Variants in FOXP2 observed in about 807,000 individuals in gnomAD.
FOXP2 encodes the protein forkhead box P2.
A neutral mutation model predicts 115.8 loss-of-function variants in FOXP2; 12 were observed. That is an observed-to-expected ratio of 0.10 (90% CI 0.07 to 0.17). The LOEUF (loss-of-function observed/expected upper bound fraction) is 0.17. Ranked by LOEUF, FOXP2 falls within the 10% of genes least tolerant of loss-of-function variation. The pLI, the probability that FOXP2 is intolerant of heterozygous loss-of-function variation, is 1.00. For missense variants in FOXP2, 629 were observed against 843.5 expected (o/e 0.75, Z 3.15); for synonymous variants, 328 against 297.7 (o/e 1.10, Z -1.05).
chr7:114,288,376 A>G (rs1256398180), intron 2 of FOXP2, among the ~76,000 whole-genome samples: 1 of 151,792 alleles, frequency 6.6e-6, no homozygotes, highest in Non-Finnish European at 1.5e-5. Flanking sequence ...GGGGAATATG[A>G]ATTTGGTTTG....
intron 2 of FOXP2, among the ~76,000 whole-genome samples, chr7:114,518,884 A>G (rs1013891205): frequency 6.6e-6 from 1 of 152,156 alleles, no homozygotes; most frequent in African/African-American, 2.4e-5. Flanking sequence ...AAGTAAGTAG[A>G]CATAGAAATG....
intron 2 of FOXP2, among the ~76,000 whole-genome samples, chr7:114,384,942 T>G (rs1584684043): frequency 6.6e-6 from 1 of 152,096 alleles, no homozygotes; most frequent in Non-Finnish European, 1.5e-5. Context: ...TTATAGGTTT[T>G]AAATTTACCC....
chr7:114,466,647 A>C (rs1015447764), intron 2 of FOXP2, among the ~76,000 whole-genome samples: 2 of 152,208 alleles, frequency 1.3e-5, no homozygotes, highest in African/African-American at 4.8e-5. Flanking sequence ...GTCAGGTATC[A>C]CTGAAAAATC....
chr7:114,585,148 A>G (rs1466559977), intron 3 of FOXP2, among the ~76,000 whole-genome samples: 3 of 152,186 alleles, frequency 2.0e-5, no homozygotes, highest in African/African-American at 7.2e-5. Flanking sequence ...AAGTTTCTGA[A>G]GTATGTAAAG....
intron 1 of FOXP2, among the ~76,000 whole-genome samples, chr7:114,207,604 A>T (rs1265488789): frequency 6.6e-6 from 1 of 152,180 alleles, no homozygotes; most frequent in South Asian, 2.1e-4. Context: ...TTCCTATTGG[A>T]CCTACTTAAT....
intron 2 of FOXP2, among the ~76,000 whole-genome samples, chr7:114,470,281 A>G (rs1275968122): frequency 6.6e-6 from 1 of 151,974 alleles, no homozygotes; most frequent in African/African-American, 2.4e-5. Flanking sequence ...TTCTACTTGG[A>G]ATGTTTTCCC....
chr7:114,283,769 C>T (rs1173236779), intron 1 of FOXP2, among the ~76,000 whole-genome samples: 1 of 152,032 alleles, frequency 6.6e-6, no homozygotes, highest in Non-Finnish European at 1.5e-5. Context: ...TCGAAACCAG[C>T]TTGGGCAACA....
chr7:114,557,367 A>G (rs1800515318), intron 3 of FOXP2, among the ~76,000 whole-genome samples: 2 of 152,188 alleles, frequency 1.3e-5, no homozygotes. Flanking sequence ...CTTAATCCTA[A>G]CCAGGCATTT....
chr7:114,176,298 T>TTCTTTCTTTCTTTCTCTC (rs368923204), intron 1 of FOXP2, among the ~76,000 whole-genome samples: 109 of 76,570 alleles, frequency 1.4e-3, no homozygotes, highest in African/African-American at 5.6e-3. Flanking sequence ...CTTTCTTTCT[T>TTCTTTCTTTCTTTCTCTC]TCTCTCTCTC....
intron 2 of FOXP2, among the ~76,000 whole-genome samples, chr7:114,375,458 T>C (rs1016604030): frequency 1.3e-5 from 2 of 152,182 alleles, no homozygotes; most frequent in African/African-American, 4.8e-5. Context: ...CAGTGGCTTA[T>C]CACAATATAG....
At position 114,627,630 on chromosome 7, in the gene FOXP2, A is replaced by C. The variant is rs935456722; in HGVS notation, c.259-910A>C. Among the ~76,000 whole-genome samples the C allele has an allele frequency of 5.3e-5, 8 of 151,734 alleles. No homozygotes were observed. The East Asian group carries it at 5.8e-4, about 11-fold the overall frequency. The stretch of plus-strand genomic sequence containing the variant: ...CTTGTCCTTTTTCTACGTTTTCCTT[A>C]CTTCCTTCCTTCTTTCTCCTTTATA... On this transcript the variant is annotated intron_variant, in intron 3 of 16. Transcript: ENST00000350908.
At chr7:114,536,913 A>G (rs1040735894) in intron 3 of FOXP2, among the ~76,000 whole-genome samples, 4 of 151,490 alleles carry the variant, frequency 2.6e-5, no homozygotes, top group Non-Finnish European at 5.9e-5. Flanking sequence ...TTAGTATTTC[A>G]TAGGACTTGA....
At chr7:114,330,905 C>A (rs1797692358) in intron 2 of FOXP2, among the ~76,000 whole-genome samples, 1 of 152,088 alleles carries the variant, frequency 6.6e-6, no homozygotes, top group Non-Finnish European at 1.5e-5. Flanking sequence ...TCCTTCAAAC[C>A]CAGACTCCTC....
intron 1 of FOXP2, among the ~76,000 whole-genome samples, chr7:114,094,553 T>A (rs1799604768): frequency 6.6e-6 from 1 of 152,222 alleles, no homozygotes; most frequent in South Asian, 2.1e-4. Context: ...CTCCACAGAC[T>A]GAAAATAATT....
At chr7:114,477,207 A>G (rs930574206) in intron 2 of FOXP2, among the ~76,000 whole-genome samples, 3 of 152,022 alleles carry the variant, frequency 2.0e-5, no homozygotes, top group East Asian at 1.9e-4. Context: ...ATAAGCACCC[A>G]TATGTTCATT....
intron 2 of FOXP2, among the ~76,000 whole-genome samples, chr7:114,489,524 C>A (rs919041567): frequency 6.6e-6 from 1 of 151,732 alleles, no homozygotes; most frequent in African/African-American, 2.4e-5. Context: ...ATTTCCCATT[C>A]TTCTGCTTGA....
At chr7:114,219,600 ATC>A (rs1444475445) in intron 1 of FOXP2, among the ~76,000 whole-genome samples, 1 of 152,164 alleles carries the variant, frequency 6.6e-6, no homozygotes, top group Non-Finnish European at 1.5e-5. Flanking sequence ...AGTTTTAAAA[ATC>A]TGTTTTATTT....
intron 2 of FOXP2, among the ~76,000 whole-genome samples, chr7:114,337,705 G>A (rs1447385918): frequency 2.0e-5 from 3 of 151,154 alleles, no homozygotes; most frequent in African/African-American, 7.3e-5. Flanking sequence ...TGCTAAAAAT[G>A]TAAGCAAGCC....
chr7:114,629,250 A>G (rs566306330), intron 4 of FOXP2, among the ~76,000 whole-genome samples: 1 of 152,160 alleles, frequency 6.6e-6, no homozygotes, highest in Non-Finnish European at 1.5e-5. Context: ...ACCATATCGG[A>G]ACCCTGAGTG....
Sources: allele counts gnomAD v4.1 joint callset (sites outside exome capture counted in the v4.1 genomes callset), GRCh38; gene constraint gnomAD v4.1.1; transcripts MANE v1.5; gene names NCBI Gene and HGNC (gene_info 2026-07-23, HGNC 2026-07-21).